The following RIMS2 variants were observed in gnomAD, a reference collection of about 807,000 sequenced individuals.
RIMS2 encodes regulating synaptic membrane exocytosis 2.
In RIMS2, 59 loss-of-function variants were observed where a neutral mutation model predicts 174.4. That is an observed-to-expected ratio of 0.34 (90% CI 0.27 to 0.42). RIMS2 has a LOEUF of 0.42. Among genes scored for constraint, RIMS2 ranks in the 10% least tolerant of loss-of-function variants. The probability of loss-of-function intolerance (pLI) is 1.00; values close to 1 mark genes in which losing one functional copy is unlikely to be tolerated. For synonymous variants in RIMS2, 606 were observed against 572.5 expected (o/e 1.06, Z -0.84); for missense variants, 1,620 against 1,666.3 (o/e 0.97, Z 0.48).
rs560212392 is a variant in RIMS2 at position 103,800,840 on chromosome 8, A to G, written c.698+34303A>G. ...AATCAGGGAATGCTGGCCTCCTAAGATAAGTTAGGAAATGATCTTCTATCT... is the reference window on the plus strand; with the variant it reads ...AATCAGGGAATGCTGGCCTCCTAAGGTAAGTTAGGAAATGATCTTCTATCT... On this transcript the variant is annotated intron_variant, in intron 3 of 23. Coordinates refer to ENST00000504942, the Ensembl canonical transcript of RIMS2. 3.9e-5 allele frequency among the ~76,000 whole-genome samples: 6 copies of G among 152,270 alleles called. No homozygotes were observed. In the South Asian group the frequency reaches 1.0e-3, roughly 26 times the overall value.
intron 3 of RIMS2, chr8:103,819,452 A>G: frequency 1.2e-6 from 2 of 1,602,412 alleles, no homozygotes; most frequent in South Asian, 1.1e-5. Flanking sequence ...CAAATAGATG[A>G]TTTTAAAGAC....
At chr8:103,938,189 C>T (rs1485991172) in intron 13 of RIMS2, among the ~76,000 whole-genome samples, 2 of 152,272 alleles carry the variant, frequency 1.3e-5, no homozygotes, top group South Asian at 2.1e-4. Flanking sequence ...CTAAGTTACT[C>T]ACTTTCAGCT....
intron 19 of RIMS2, among the ~76,000 whole-genome samples, chr8:104,057,904 T>A (rs1385881171): frequency 3.3e-5 from 5 of 151,946 alleles, no homozygotes; most frequent in African/African-American, 1.2e-4. Context: ...GAACTCATCA[T>A]TTTTTATGGC....
intron 2 of RIMS2, among the ~76,000 whole-genome samples, chr8:103,723,369 C>CTT (rs535899990): frequency 6.6e-6 from 1 of 152,206 alleles, no homozygotes. Flanking sequence ...AGGGAAAGCC[C>CTT]TTTACCAGTT....
rs532362021 is a variant in RIMS2, at chr8:103,964,816, C to T, written c.2770+3683C>T. Among the ~76,000 whole-genome samples, 4 of 152,200 alleles carry T rather than the reference C, an allele frequency of 2.6e-5. 1 individual carries two copies. In the South Asian group the frequency reaches 8.3e-4, roughly 32 times the overall value. On this transcript the variant is annotated intron_variant, in intron 15 of 23. Coordinates refer to ENST00000504942, the Ensembl canonical transcript of RIMS2. ...TATTTTGCATTTTATATTTACATAT[C>T]TGATGCATTTTTGAAGAGTGTAATG...
At chr8:104,206,204 A>G (rs562775218) in intron 19 of RIMS2, among the ~76,000 whole-genome samples, 1 of 152,312 alleles carries the variant, frequency 6.6e-6, no homozygotes, top group South Asian at 2.1e-4. Flanking sequence ...AAAGTCACAG[A>G]GAGGGGTTAT....
chr8:103,558,443 C>CA (rs1295609082), intron 1 of RIMS2, among the ~76,000 whole-genome samples: 1 of 152,150 alleles, frequency 6.6e-6, no homozygotes, highest in Non-Finnish European at 1.5e-5. Flanking sequence ...AGGGTGGTCT[C>CA]AAACTCCAGG....
At chr8:103,759,429 G>A (rs1047608347) in intron 2 of RIMS2, among the ~76,000 whole-genome samples, 4 of 151,944 alleles carry the variant, frequency 2.6e-5, no homozygotes, top group Non-Finnish European at 5.9e-5. Context: ...GCTGGGCGTG[G>A]CGGTGGGCGC....
At chr8:104,052,188 A>G (rs577383797) in intron 19 of RIMS2, among the ~76,000 whole-genome samples, 1 of 152,204 alleles carries the variant, frequency 6.6e-6, no homozygotes, top group Admixed American at 6.5e-5. Flanking sequence ...GACTAAATCC[A>G]TTTGTCAAAT....
At chr8:103,700,080 A>G (rs2097150602) in intron 2 of RIMS2, among the ~76,000 whole-genome samples, 1 of 152,180 alleles carries the variant, frequency 6.6e-6, no homozygotes, top group East Asian at 1.9e-4. Flanking sequence ...TGCCCACTCA[A>G]GGCCAGTTTC....
At chr8:104,091,373 G>C (rs2097653723) in intron 19 of RIMS2, among the ~76,000 whole-genome samples, 1 of 151,450 alleles carries the variant, frequency 6.6e-6, no homozygotes, top group African/African-American at 2.4e-5. Flanking sequence ...AAGAATAGCA[G>C]CTACTTTTCT....
At chr8:103,646,037 T>G (rs2096324215) in intron 1 of RIMS2, among the ~76,000 whole-genome samples, 1 of 151,948 alleles carries the variant, frequency 6.6e-6, no homozygotes, top group Non-Finnish European at 1.5e-5. Flanking sequence ...GGTTGTTCTC[T>G]GGTGGGCAGT....
At chr8:103,875,949 TG>T (rs1443436531) in intron 3 of RIMS2, among the ~76,000 whole-genome samples, 4 of 151,656 alleles carry the variant, frequency 2.6e-5, no homozygotes, top group African/African-American at 7.2e-5. Context: ...CTACTTTTAG[TG>T]GGATTATTTG....
Position 103,740,896 on chromosome 8 carries a change from A to G in RIMS2, c.388-25331A>G, listed in dbSNP as rs1465270454. 2.6e-5 allele frequency among the ~76,000 whole-genome samples: 4 copies of G among 152,018 alleles called. No individual in the cohort carries two copies. In the South Asian group the frequency reaches 6.2e-4, roughly 24 times the overall value. On this transcript the variant is annotated intron_variant, in intron 2 of 23. Transcript: ENST00000504942. ...TTTCCTTGTTTTTTATTGAATTTTT[A>G]TTTACATTTTCTTCACAGCAGTTTA...
chr8:104,129,453 G>C (rs1218687990), intron 19 of RIMS2, among the ~76,000 whole-genome samples: 1 of 152,216 alleles, frequency 6.6e-6, no homozygotes, highest in African/African-American at 2.4e-5. Context: ...GGCGTTAATT[G>C]TCTGCACATT....
At chr8:103,743,047 T>G (rs2097775956) in intron 2 of RIMS2, among the ~76,000 whole-genome samples, 1 of 152,162 alleles carries the variant, frequency 6.6e-6, no homozygotes. Context: ...TTAAGTTCCT[T>G]TTATGCCCTC....
chr8:104,194,539 T>C (rs1207307537), intron 19 of RIMS2, among the ~76,000 whole-genome samples: 2 of 152,200 alleles, frequency 1.3e-5, no homozygotes, highest in Non-Finnish European at 2.9e-5. Flanking sequence ...AACATAACAA[T>C]CTTGCTCTTG....
chr8:104,223,290 A>T, intron 19 of RIMS2: 1 of 711,096 alleles, frequency 1.4e-6, no homozygotes, highest in Non-Finnish European at 1.7e-6. Flanking sequence ...ATTGGCGGGG[A>T]CCGCAGCATC....
At chr8:103,555,325 T>G (rs1849910992) in intron 1 of RIMS2, among the ~76,000 whole-genome samples, 1 of 152,168 alleles carries the variant, frequency 6.6e-6, no homozygotes, top group Non-Finnish European at 1.5e-5. Flanking sequence ...ATATATTACC[T>G]CACAACTATT....
Sources: gnomAD v4.1 joint callset for allele counts (sites outside exome capture counted in the v4.1 genomes callset) on GRCh38, gnomAD v4.1.1 for gene constraint, MANE v1.5 for transcripts, NCBI Gene and HGNC (gene_info 2026-07-23, HGNC 2026-07-21) for gene names.